SPAG16: variants seen among roughly 807,000 people sequenced by gnomAD.
The protein encoded by SPAG16 is sperm-associated antigen 16 protein.
In SPAG16, 86 loss-of-function variants were observed where a neutral mutation model predicts 80.4. The ratio of observed to expected loss-of-function variants is 1.07; its 90% confidence interval spans 0.90 to 1.28. The LOEUF (loss-of-function observed/expected upper bound fraction) is 1.28. Among genes scored for constraint, SPAG16 ranks in the 50% most tolerant of loss-of-function variants. The pLI is 0.00. For missense variants in SPAG16, 870 were observed against 765.3 expected, an observed-to-expected ratio of 1.14 and a Z score of -1.61; for synonymous variants, 294 against 265.9, an observed-to-expected ratio of 1.11 and a Z score of -1.03.
chr2:213,754,961 T>A (rs2068254924), intron 10 of SPAG16, among the ~76,000 whole-genome samples: 1 of 152,248 alleles, frequency 6.6e-6, no homozygotes, highest in Non-Finnish European at 1.5e-5. Context: ...AAACCTGTAA[T>A]TACTATTTCC....
In SPAG16 at chr2:213,440,693, A is replaced by G. The variant is rs188455649; in HGVS notation, c.943-49270A>G. On this transcript the variant is annotated intron_variant, in intron 9 of 15. Coordinates refer to ENST00000331683, the MANE Select transcript of SPAG16 (RefSeq NM_024532.5). ...TAGTGATAAAATAACAGTACTTTTA[A>G]TAAATGATTTAAATAAATATGCAAT... is the stretch of plus-strand genomic sequence containing the variant. Among the ~76,000 whole-genome samples the G allele has an allele frequency of 2.4e-3, 364 of 152,362 alleles. 1 individual carries two copies. The highest frequency in any genetic ancestry group is 4.3e-3 in the Non-Finnish European group (292 of 68,028).
intron 9 of SPAG16, among the ~76,000 whole-genome samples, chr2:213,410,039 C>G (rs918375482): frequency 1.4e-5 from 2 of 145,422 alleles, no homozygotes; most frequent in Non-Finnish European, 3.1e-5. Context: ...CTGGGAAGGA[C>G]CCTACCTTGT....
intron 10 of SPAG16, among the ~76,000 whole-genome samples, chr2:213,831,182 A>G (rs1341918794): frequency 6.6e-6 from 1 of 151,088 alleles, no homozygotes; most frequent in Non-Finnish European, 1.5e-5. Context: ...TGGGATTACA[A>G]GCACTCACCA....
chr2:214,304,331 C>T (rs1302738220), intron 15 of SPAG16, among the ~76,000 whole-genome samples: 7 of 152,142 alleles, frequency 4.6e-5, no homozygotes, highest in Non-Finnish European at 7.3e-5. Context: ...GTGGGTTTAC[C>T]GGAATGAGGG....
chr2:214,267,234 G>A (rs1397373494), intron 15 of SPAG16, among the ~76,000 whole-genome samples: 2 of 151,722 alleles, frequency 1.3e-5, no homozygotes, highest in Non-Finnish European at 3.0e-5. Context: ...TATACTACTG[G>A]ATTTCAAAAT....
At chr2:213,526,670 G>A (rs994760031) in intron 10 of SPAG16, among the ~76,000 whole-genome samples, 2 of 152,150 alleles carry the variant, frequency 1.3e-5, no homozygotes, top group Non-Finnish European at 2.9e-5. Flanking sequence ...TATTGATGGA[G>A]TGCATTCTCC....
chr2:213,587,503 T>C (rs1051964335), intron 10 of SPAG16, among the ~76,000 whole-genome samples: 1 of 152,220 alleles, frequency 6.6e-6, no homozygotes, highest in South Asian at 2.1e-4. Context: ...GGCCCTGTGA[T>C]AGGAGGGGCA....
At chr2:214,205,058 G>C (rs561101685) in intron 15 of SPAG16, among the ~76,000 whole-genome samples, 1 of 152,058 alleles carries the variant, frequency 6.6e-6, no homozygotes, top group East Asian at 1.9e-4. Flanking sequence ...GTGAAACCCC[G>C]TCTCTACTAA....
At chr2:214,196,132 A>G (rs373066206) in intron 15 of SPAG16, among the ~76,000 whole-genome samples, 11 of 152,178 alleles carry the variant, frequency 7.2e-5, no homozygotes, top group East Asian at 5.8e-4. Flanking sequence ...GTTGAATGTC[A>G]TAACCATCAG....
intron 12 of SPAG16, among the ~76,000 whole-genome samples, chr2:213,978,064 G>GAC (rs1362652755): frequency 6.6e-6 from 1 of 150,890 alleles, no homozygotes; most frequent in Non-Finnish European, 1.5e-5. Context: ...AGTACTATGA[G>GAC]ACACCCCTTT....
chr2:213,855,349 G>C (rs1014224202), intron 10 of SPAG16, among the ~76,000 whole-genome samples: 1 of 152,206 alleles, frequency 6.6e-6, no homozygotes, highest in South Asian at 2.1e-4. Flanking sequence ...GTTCACTCAA[G>C]TTCATGTATT....
intron 13 of SPAG16, among the ~76,000 whole-genome samples, chr2:214,089,871 C>G (rs773268016): frequency 5.3e-5 from 8 of 151,968 alleles, no homozygotes; most frequent in Non-Finnish European, 8.8e-5. Context: ...ATATAATATT[C>G]TAAATATTTA....
At chr2:213,432,375 C>A (rs2070358751) in intron 9 of SPAG16, among the ~76,000 whole-genome samples, 1 of 151,600 alleles carries the variant, frequency 6.6e-6, no homozygotes, top group African/African-American at 2.4e-5. Flanking sequence ...TGAGAAGATC[C>A]AAATAAATGT....
At chr2:213,523,385 A>C (rs891360005) in intron 10 of SPAG16, among the ~76,000 whole-genome samples, 4 of 152,200 alleles carry the variant, frequency 2.6e-5, no homozygotes, top group Non-Finnish European at 4.4e-5. Flanking sequence ...ACCCGGACTC[A>C]GGTATGTCTT....
intron 15 of SPAG16, among the ~76,000 whole-genome samples, chr2:214,289,561 G>A (rs865895443): frequency 3.9e-5 from 6 of 152,050 alleles, no homozygotes; most frequent in South Asian, 4.1e-4. Flanking sequence ...TTTACTTCTG[G>A]ACTCACTGAT....
intron 15 of SPAG16, among the ~76,000 whole-genome samples, chr2:214,363,525 T>A (rs1432955641): frequency 6.6e-6 from 1 of 151,904 alleles, no homozygotes; most frequent in Non-Finnish European, 1.5e-5. Context: ...TACATGCAAT[T>A]AAAATGCAAT....
intron 12 of SPAG16, among the ~76,000 whole-genome samples, chr2:213,956,534 G>A (rs1361593574): frequency 2.8e-5 from 4 of 142,624 alleles, no homozygotes; most frequent in African/African-American, 7.9e-5. Flanking sequence ...TGCAACCGCC[G>A]CCTCCCAGAT....
At chr2:214,205,607 T>C (rs1484997621) in intron 15 of SPAG16, among the ~76,000 whole-genome samples, 1 of 152,298 alleles carries the variant, frequency 6.6e-6, no homozygotes, top group Non-Finnish European at 1.5e-5. Flanking sequence ...CACCTAAAGA[T>C]ATTTATGCTT....
At chr2:214,216,151 T>C (rs2058426440) in intron 15 of SPAG16, among the ~76,000 whole-genome samples, 2 of 152,194 alleles carry the variant, frequency 1.3e-5, no homozygotes, top group Admixed American at 6.5e-5. Context: ...TATGAATGGA[T>C]ATTGATTGGG....
Sources: allele counts gnomAD v4.1 joint callset (sites outside exome capture counted in the v4.1 genomes callset), GRCh38; gene constraint gnomAD v4.1.1; transcripts MANE v1.5; gene names NCBI Gene and HGNC (gene_info 2026-07-23, HGNC 2026-07-21).